Variants in CNTNAP2 observed in about 807,000 individuals in gnomAD.
CNTNAP2 encodes the protein contactin-associated protein-like 2.
Under a neutral mutation model 155.2 loss-of-function variants are expected in CNTNAP2, and 98 were observed. That is an observed-to-expected ratio of 0.63 (90% CI 0.54 to 0.75). The LOEUF (loss-of-function observed/expected upper bound fraction) is 0.75. CNTNAP2 is among the 30% of genes least tolerant of loss of function. The probability of loss-of-function intolerance (pLI) is 0.00; values close to 1 mark genes in which losing one functional copy is unlikely to be tolerated. For synonymous variants in CNTNAP2, 651 were observed against 631.2 expected, an observed-to-expected ratio of 1.03 and a Z score of -0.47; for missense variants, 1,727 against 1,688.1, an observed-to-expected ratio of 1.02 and a Z score of -0.40.
chr7:147,639,645 T>C (rs1485694565), intron 13 of CNTNAP2, among the ~76,000 whole-genome samples: 3 of 152,234 alleles, frequency 2.0e-5, no homozygotes, highest in Non-Finnish European at 4.4e-5. Context: ...GAGCTTCAGG[T>C]GTCTTTATTG....
intron 12 of CNTNAP2, among the ~76,000 whole-genome samples, chr7:147,597,315 C>T (rs1800842652): frequency 6.6e-6 from 1 of 152,110 alleles, no homozygotes; most frequent in Non-Finnish European, 1.5e-5. Flanking sequence ...TACCCATGCC[C>T]CTCACTCCCA....
At chr7:148,296,146 T>G (rs4726946) in intron 21 of CNTNAP2, among the ~76,000 whole-genome samples, 69,554 of 151,992 alleles carry the variant, frequency 0.46, 16,329 homozygotes, top group East Asian at 0.7. Flanking sequence ...AAGACAGGTA[T>G]CTCTTCATGA....
At chr7:147,597,145 C>G (rs1025838404) in intron 12 of CNTNAP2, among the ~76,000 whole-genome samples, 1 of 152,176 alleles carries the variant, frequency 6.6e-6, no homozygotes, top group Non-Finnish European at 1.5e-5. Flanking sequence ...TATGCCTTTA[C>G]TTTCTTAATA....
chr7:146,575,221 A>T (rs1798505870), intron 1 of CNTNAP2, among the ~76,000 whole-genome samples: 1 of 152,096 alleles, frequency 6.6e-6, no homozygotes, highest in Non-Finnish European at 1.5e-5. Context: ...GGTTCAAGCA[A>T]TTCTCCTGCC....
chr7:147,490,255 T>G (rs1798582966), intron 11 of CNTNAP2, among the ~76,000 whole-genome samples: 1 of 152,182 alleles, frequency 6.6e-6, no homozygotes, highest in Admixed American at 6.5e-5. Context: ...GATTTAAAAA[T>G]TCTGAAATAC....
rs145059183 is a variant in CNTNAP2, at chr7:148,113,659, G to A, written c.2384-4459G>A. On this transcript the variant is annotated intron_variant, in intron 15 of 23. Transcript: ENST00000361727. ...GGAGACCAGCAAGCCTGCTTTGCAGGCTCAGCCCCGCTCTCCTGCACTAGC... is the reference window on the plus strand; with the variant it reads ...GGAGACCAGCAAGCCTGCTTTGCAGACTCAGCCCCGCTCTCCTGCACTAGC... Among the ~76,000 whole-genome samples the A allele has an allele frequency of 3.3e-5, 5 of 152,306 alleles. No homozygotes were observed. In the East Asian group the frequency reaches 7.7e-4, roughly 24 times the overall value.
chr7:148,120,736 G>C lies in CNTNAP2; in HGVS notation c.2554+2448G>C, dbSNP rs76539944. On this transcript the variant is annotated intron_variant, in intron 16 of 23. Transcript: ENST00000361727. ...TACTCTGGGCAAAAACATGTGAAAC[G>C]TTCAAGACCCAGATTCGAGCCTCTA... Among the ~76,000 whole-genome samples, 210 of 152,190 alleles carry C rather than the reference G, an allele frequency of 1.4e-3. 5 individuals carry two copies. The East Asian group carries it at 0.036, about 26-fold the overall frequency.
intron 17 of CNTNAP2, among the ~76,000 whole-genome samples, chr7:148,156,330 C>T (rs1033412199): frequency 3.3e-5 from 5 of 152,284 alleles, no homozygotes; most frequent in East Asian, 1.9e-4. Context: ...ACACATTCTT[C>T]GGGGCTTTGC....
chr7:146,448,163 T>A (rs115557126), intron 1 of CNTNAP2, among the ~76,000 whole-genome samples: 3,978 of 152,092 alleles, frequency 0.026, 79 homozygotes, highest in Middle Eastern at 0.061. Flanking sequence ...AAATGGCTGT[T>A]AACTATGACA....
intron 1 of CNTNAP2, among the ~76,000 whole-genome samples, chr7:146,411,046 A>G (rs1563073896): frequency 6.6e-6 from 1 of 152,122 alleles, no homozygotes; most frequent in African/African-American, 2.4e-5. Flanking sequence ...TATCTAGGCT[A>G]TTGTGAAAAA....
At chr7:146,754,566 C>G (rs1289251111) in intron 1 of CNTNAP2, among the ~76,000 whole-genome samples, 1 of 151,606 alleles carries the variant, frequency 6.6e-6, no homozygotes, top group Non-Finnish European at 1.5e-5. Flanking sequence ...CTCTCTCTCT[C>G]TCTCTCTCTC....
chr7:147,977,122 C>T (rs1801437995), intron 14 of CNTNAP2, among the ~76,000 whole-genome samples: 1 of 152,140 alleles, frequency 6.6e-6, no homozygotes, highest in Non-Finnish European at 1.5e-5. Context: ...CTCCAGGAAC[C>T]CCTCCTGGGT....
intron 2 of CNTNAP2, among the ~76,000 whole-genome samples, chr7:146,838,136 A>G (rs1173460835): frequency 2.0e-5 from 3 of 152,088 alleles, no homozygotes; most frequent in Non-Finnish European, 4.4e-5. Context: ...TTCCGTTTCA[A>G]TGACACTACT....
At chr7:146,586,094 T>C (rs1798687906) in intron 1 of CNTNAP2, among the ~76,000 whole-genome samples, 1 of 152,178 alleles carries the variant, frequency 6.6e-6, no homozygotes, top group Non-Finnish European at 1.5e-5. Context: ...TATTTTATTT[T>C]GCTTAAACAA....
chr7:147,951,618 A>G (rs1321340632), intron 14 of CNTNAP2, among the ~76,000 whole-genome samples: 1 of 152,198 alleles, frequency 6.6e-6, no homozygotes, highest in African/African-American at 2.4e-5. Context: ...TGTTAAATCA[A>G]AGAGCAGTTC....
At chr7:147,053,163 G>T (rs1003852629) in intron 4 of CNTNAP2, among the ~76,000 whole-genome samples, 3 of 151,992 alleles carry the variant, frequency 2.0e-5, no homozygotes, top group Admixed American at 6.6e-5. Flanking sequence ...ACATAATTTG[G>T]GTATAAGCCT....
rs558652525 is a variant in CNTNAP2 at position 146,790,807 on chromosome 7, G to C, written c.208+16426G>C. 4.1e-3 allele frequency among the ~76,000 whole-genome samples: 616 copies of C among 151,872 alleles called. 4 individuals carry two copies. The highest frequency in any genetic ancestry group is 7.0e-3 in the Non-Finnish European group (479 of 67,970). ...GATGGTCTCAATCTCCTGACCTTGT[G>C]ATCCGCCCACCTCGGCCTCCCAAAG... On this transcript the variant is annotated intron_variant, in intron 2 of 23. Coordinates refer to ENST00000361727, the MANE Select transcript of CNTNAP2 (RefSeq NM_014141.6).
intron 1 of CNTNAP2, among the ~76,000 whole-genome samples, chr7:146,526,581 C>T (rs188703999): frequency 4.1e-3 from 621 of 152,210 alleles, no homozygotes; most frequent in South Asian, 7.5e-3. Flanking sequence ...AGAAATCCTC[C>T]CCCATGATCC....
chr7:146,442,711 G>C (rs911932352), intron 1 of CNTNAP2, among the ~76,000 whole-genome samples: 2 of 152,030 alleles, frequency 1.3e-5, no homozygotes, highest in East Asian at 3.9e-4. Flanking sequence ...TTGTGGTATC[G>C]TACTAGCCCT....
Sources: gnomAD v4.1 joint callset for allele counts (sites outside exome capture counted in the v4.1 genomes callset) on GRCh38, gnomAD v4.1.1 for gene constraint, MANE v1.5 for transcripts, NCBI Gene and HGNC (gene_info 2026-07-23, HGNC 2026-07-21) for gene names.